Variants in CHRND observed in about 807,000 individuals in gnomAD.
The protein encoded by CHRND is cholinergic receptor nicotinic delta subunit.
A neutral mutation model predicts 57.8 loss-of-function variants in CHRND; 40 were observed. That is an observed-to-expected ratio of 0.69 (90% CI 0.54 to 0.90). The LOEUF is 0.90. CHRND is among the 40% of genes least tolerant of loss of function. The probability of loss-of-function intolerance (pLI) is 0.00; values close to 1 mark genes in which losing one functional copy is unlikely to be tolerated. For synonymous variants in CHRND, 237 were observed against 270.6 expected (o/e 0.88, Z 1.22); for missense variants, 634 against 673.9 (o/e 0.94, Z 0.66).
In CHRND at chr2:232,528,965, T is replaced by C; in HGVS notation, c.613T>C (p.Phe205Leu). ...GTGGATCATCATTGATCCTGAAGGC[T>C]TCACAGGTGCTGGGAACAGCCGCCA... ...VEWIIIDPEGFTENGEWEIVH... is the reference protein window; with the variant it reads ...VEWIIIDPEGLTENGEWEIVH... Residue 205 changes from phenylalanine (F) to leucine (L), a missense_variant, in exon 6 of 12, where the codon TTC becomes CTC. Phe to Leu is a conservative substitution (Grantham distance 22). Transcript: ENST00000258385. 1 of 1,613,722 alleles carries C rather than the reference T, an allele frequency of 6.2e-7. No individual in the cohort carries two copies. Among genetic ancestry groups the C allele is most frequent in the East Asian group, 2.2e-5 (1 of 44,868 alleles).
chr2:232,529,464 C>A (rs1039398280), intron 6 of CHRND, among the ~76,000 whole-genome samples: 3 of 152,186 alleles, frequency 2.0e-5, no homozygotes, highest in African/African-American at 7.2e-5. Flanking sequence ...GTCTCACTGT[C>A]TCAGGCTGGC....
intron 9 of CHRND, among the ~76,000 whole-genome samples, chr2:232,531,924 G>GTGA: frequency 7.9e-6 from 1 of 127,328 alleles, no homozygotes; most frequent in East Asian, 2.2e-4. Context: ...TCCAGCCTGG[G>GTGA]CAACAGAGTG....
chr2:232,536,071 A>C lies in CHRND; in HGVS notation c.*759A>C, dbSNP rs1372402103. The C allele has an allele frequency of 4.4e-6, 2 of 454,104 alleles. No individual in the cohort carries two copies. Among genetic ancestry groups the C allele is most frequent in the Non-Finnish European group, 8.8e-6 (2 of 226,798 alleles). 28.1% of individuals were successfully genotyped at this position (454,104 alleles called of 1,614,324 possible). A position where few individuals can be genotyped will look rare whatever the true frequency, so the allele number is the denominator to read the frequency against. On this transcript the variant is annotated 3_prime_UTR_variant, in exon 12 of 12. Transcript: ENST00000258385. ...AAAAATCATTCGTTGTTTCTCTGAAATTTGTCCCCTATTTTTATTTGCTAA... is the reference window on the plus strand; with the variant it reads ...AAAAATCATTCGTTGTTTCTCTGAACTTTGTCCCCTATTTTTATTTGCTAA...
intron 9 of CHRND, among the ~76,000 whole-genome samples, chr2:232,532,551 T>C (rs1046458452): frequency 6.6e-6 from 1 of 150,626 alleles, no homozygotes. Context: ...ACACTGGACA[T>C]ATACTCCCAC....
chr2:232,535,213 A>G lies in CHRND; in HGVS notation c.1455A>G (p.Thr485=), dbSNP rs756537437. ...FVVTPVMVVG[T]AWIFLQGVYN... ...TGACGCCTGTCATGGTGGTGGGCAC[A>G]GCCTGGATCTTCCTGCAGGGCGTTT... The change falls in exon 12 of 12, where the codon ACA becomes ACG. Residue 485 remains threonine (T), a synonymous_variant. Transcript: ENST00000258385. 1.9e-6 allele frequency: 3 copies of G among 1,614,232 alleles called. No homozygotes were observed. Among genetic ancestry groups the G allele is most frequent in the Non-Finnish European group, 1.7e-6 (2 of 1,180,040 alleles).
chr2:232,534,480 G>A (rs1559298764), intron 11 of CHRND, 138 bp downstream of exon 11: 1 of 907,628 alleles, frequency 1.1e-6, no homozygotes, highest in Non-Finnish European at 1.8e-6. Flanking sequence ...CAGATTCCAG[G>A]CCCCCCCGCC....
intron 9 of CHRND, among the ~76,000 whole-genome samples, chr2:232,533,002 G>A (rs1691762603): frequency 6.6e-6 from 1 of 152,168 alleles, no homozygotes; most frequent in African/African-American, 2.4e-5. Flanking sequence ...TTCTGGGACA[G>A]CTGAAGGCAG....
intron 9 of CHRND, among the ~76,000 whole-genome samples, chr2:232,532,220 C>G (rs930977612): frequency 2.0e-5 from 3 of 151,976 alleles, no homozygotes; most frequent in African/African-American, 7.3e-5. Flanking sequence ...ATAATCCCAG[C>G]ACTTTGGGTG....
At chr2:232,533,316 G>A (rs553619223) in intron 9 of CHRND, among the ~76,000 whole-genome samples, 25 of 152,192 alleles carry the variant, frequency 1.6e-4, no homozygotes, top group African/African-American at 5.3e-4. Context: ...CACTGTGCCC[G>A]GCCTTAGCAA....
At position 232,534,120 on chromosome 2, in the gene CHRND, C is replaced by A. The variant is rs1242056715; in HGVS notation, c.1237C>A (p.Arg413Ser). The part of the protein sequence containing the change: ...KQSERHGLAR[R>S]LTTARRPPAS... ...GTCAGAGCGGCATGGGCTGGCCAGG[C>A]GCCTCACCACTGCACGTGGGTCCCC... The change falls in exon 10 of 12, where the codon CGC becomes AGC. Residue 413 changes from arginine (R) to serine (S), a missense_variant. Transcript: ENST00000258385. 1 of 1,614,090 alleles carries A rather than the reference C, an allele frequency of 6.2e-7. No individual in the cohort carries two copies. Among genetic ancestry groups the A allele is most frequent in the Non-Finnish European group, 8.5e-7 (1 of 1,180,032 alleles).
Position 232,536,240 on chromosome 2 carries a change from C to T in CHRND, c.*928C>T, listed in dbSNP as rs995984652. The T allele has an allele frequency of 2.2e-6, 1 of 454,010 alleles. No homozygotes were observed. The highest frequency in any genetic ancestry group is 2.0e-5 in the African/African-American group (1 of 49,996). 28.1% of individuals were successfully genotyped at this position (454,010 alleles called of 1,614,324 possible). ...GCCCCAGTGATGCCCAGTATTCACA[C>T]CCTTGTGCAGTCCCCTCACTCTGTA... On this transcript the variant is annotated 3_prime_UTR_variant, in exon 12 of 12. Coordinates refer to ENST00000258385, the MANE Select transcript of CHRND (RefSeq NM_000751.3).
At position 232,528,845 on chromosome 2, in the gene CHRND, C is replaced by A. The variant is rs559247258; in HGVS notation, c.510-17C>A. ...GCCACTGGCCGAGTGTCACTCTCTG[C>A]CCATTGCCCTCCCCAGTTCCCTCAA... is the stretch of plus-strand genomic sequence containing the variant. On this transcript the variant is annotated splice_polypyrimidine_tract_variant and intron_variant, in intron 5 of 11. Coordinates refer to ENST00000258385, the MANE Select transcript of CHRND (RefSeq NM_000751.3). 4.9e-5 allele frequency: 78 copies of A among 1,605,042 alleles called. 1 individual carries two copies. In the South Asian group the frequency reaches 8.1e-4, roughly 17 times the overall value.
intron 9 of CHRND, among the ~76,000 whole-genome samples, chr2:232,532,260 G>C (rs939787262): frequency 6.6e-6 from 1 of 152,004 alleles, no homozygotes; most frequent in African/African-American, 2.4e-5. Flanking sequence ...CTGAGGTCAA[G>C]AGTTCGAGAC....
chr2:232,529,913 C>T, intron 6 of CHRND, 26 bp from the exon 7 acceptor site: 1 of 1,613,148 alleles, frequency 6.2e-7, no homozygotes, highest in East Asian at 2.2e-5. Flanking sequence ...TGGCCTGACC[C>T]TAAGATGTCC....
rs746959201 is a variant in CHRND, at chr2:232,529,966, G to A, written c.647G>A (p.Arg216Gln). Reference protein sequence around the residue: ...TENGEWEIVHRPARVNVDPRA... With the variant: ...TENGEWEIVHQPARVNVDPRA... ...AACGGGGAGTGGGAGATAGTCCACCGGCCGGCCAGGGTCAACGTGGACCCC... is the reference window on the plus strand; with the variant it reads ...AACGGGGAGTGGGAGATAGTCCACCAGCCGGCCAGGGTCAACGTGGACCCC... Residue 216 changes from arginine to glutamine, a missense_variant, in exon 7 of 12, where the codon CGG becomes CAG. Coordinates refer to ENST00000258385, the MANE Select transcript of CHRND (RefSeq NM_000751.3). 18 of 1,613,888 alleles carry A rather than the reference G, an allele frequency of 1.1e-5. No individual in the cohort carries two copies. The highest frequency in any genetic ancestry group is 6.7e-5 in the East Asian group (3 of 44,880).
In CHRND at chr2:232,534,127, C is replaced by CCACT; in HGVS notation, c.1245_1248dup (p.Ala417HisfsTer10). The stretch of plus-strand genomic sequence containing the variant: ...CGGCATGGGCTGGCCAGGCGCCTCA[C>CCACT]CACTGCACGTGGGTCCCCGCTGGTC... On this transcript the variant is annotated frameshift_variant, in exon 10 of 12. Transcript: ENST00000258385. LOFTEE classifies it high-confidence loss of function. The CCACT allele has an allele frequency of 6.2e-7, 1 of 1,614,090 alleles. No individual in the cohort carries two copies. Among genetic ancestry groups the CCACT allele is most frequent in the South Asian group, 1.1e-5 (1 of 91,084 alleles).
At chr2:232,531,774 C>T (rs1246128352) in intron 9 of CHRND, 118 bp downstream of exon 9, 4 of 798,702 alleles carry the variant, frequency 5.0e-6, no homozygotes, top group Non-Finnish European at 8.5e-6. Context: ...CATAGAGACA[C>T]CCCTGTCTCT....
At chr2:232,531,310 G>A (rs767153407) in intron 7 of CHRND, 42 bp from the exon 8 acceptor site, 2 of 1,277,220 alleles carry the variant, frequency 1.6e-6, no homozygotes, top group South Asian at 2.5e-5. Context: ...GGACCCTCTA[G>A]GACCGGTGCC....
chr2:232,527,802 C>T (rs1691538389), intron 3 of CHRND, among the ~76,000 whole-genome samples: 1 of 152,152 alleles, frequency 6.6e-6, no homozygotes, highest in African/African-American at 2.4e-5. Context: ...TGCAGGGCAC[C>T]AGATTGCTTC....
Sources: gnomAD v4.1 joint callset for allele counts (sites outside exome capture counted in the v4.1 genomes callset) on GRCh38, gnomAD v4.1.1 for gene constraint, MANE v1.5 for transcripts, NCBI Gene and HGNC (gene_info 2026-07-23, HGNC 2026-07-21) for gene names.